The following APP variants were observed in gnomAD, a reference collection of about 807,000 sequenced individuals.
APP encodes the protein amyloid-beta precursor protein.
APP carries 31 observed loss-of-function variants against 101.4 expected under a neutral mutation model. The observed-to-expected ratio is 0.31, with a 90% confidence interval of 0.23 to 0.41. The LOEUF (loss-of-function observed/expected upper bound fraction) is 0.41, where lower values mean the gene tolerates loss of function less well. Among genes scored for constraint, APP ranks in the 10% least tolerant of loss-of-function variants. The pLI is 1.00. For synonymous variants in APP, 366 were observed against 364.4 expected (o/e 1.00, Z -0.05); for missense variants, 839 against 1,003.7 (o/e 0.84, Z 2.22).
chr21:25,965,513 G>C (rs530099883), intron 11 of APP, among the ~76,000 whole-genome samples: 5 of 152,194 alleles, frequency 3.3e-5, no homozygotes, highest in Non-Finnish European at 7.3e-5. Flanking sequence ...CCTAGGCAGT[G>C]TTATGACCTA....
chr21:26,129,764 C>T (rs1260707648), intron 1 of APP, among the ~76,000 whole-genome samples: 5 of 152,136 alleles, frequency 3.3e-5, no homozygotes, highest in African/African-American at 9.7e-5. Context: ...AACATTAGTG[C>T]TGTTGTTTCC....
chr21:26,064,263 C>T (rs2046374986), intron 3 of APP, among the ~76,000 whole-genome samples: 1 of 152,040 alleles, frequency 6.6e-6, no homozygotes, highest in African/African-American at 2.4e-5. Context: ...TAGTTAATAA[C>T]CATGTATCAA....
chr21:25,951,703 G>A (rs2041083954), intron 13 of APP, among the ~76,000 whole-genome samples: 1 of 152,036 alleles, frequency 6.6e-6, no homozygotes, highest in Non-Finnish European at 1.5e-5. Context: ...AATCTATGAA[G>A]AACCTATTTA....
intron 1 of APP, among the ~76,000 whole-genome samples, chr21:26,127,199 TAA>T (rs35029493): frequency 3.2e-4 from 48 of 149,390 alleles, no homozygotes; most frequent in Admixed American, 6.0e-4. Context: ...AGCTTTCATT[TAA>T]AAAAAAAAAA....
chr21:26,118,142 T>C (rs1017786721), intron 1 of APP, among the ~76,000 whole-genome samples: 1 of 152,170 alleles, frequency 6.6e-6, no homozygotes, highest in Non-Finnish European at 1.5e-5. Context: ...GGCCAGTAAG[T>C]CATGCTTGCT....
chr21:26,069,803 A>AT (rs1303979269), intron 3 of APP, among the ~76,000 whole-genome samples: 3 of 152,238 alleles, frequency 2.0e-5, no homozygotes, highest in Non-Finnish European at 4.4e-5. Flanking sequence ...AGAAAAAGCA[A>AT]ACTTGTATCT....
At chr21:25,928,034 TTAAAG>T (rs2039973553) in intron 13 of APP, among the ~76,000 whole-genome samples, 1 of 152,220 alleles carries the variant, frequency 6.6e-6, no homozygotes, top group Non-Finnish European at 1.5e-5. Context: ...TGTCAGGAAC[TTAAAG>T]TAGAGACTAA....
intron 11 of APP, among the ~76,000 whole-genome samples, chr21:25,958,490 G>A (rs1457945146): frequency 1.3e-5 from 2 of 152,230 alleles, no homozygotes; most frequent in African/African-American, 2.4e-5. Context: ...TGTTAGCCAG[G>A]ATGGTCTCCA....
At chr21:26,075,275 A>C (rs558395236) in intron 3 of APP, among the ~76,000 whole-genome samples, 1 of 152,372 alleles carries the variant, frequency 6.6e-6, no homozygotes, top group East Asian at 1.9e-4. Flanking sequence ...CGAAGAGCTT[A>C]CATTTTGAAC....
At chr21:26,136,410 T>A (rs1253926651) in intron 1 of APP, among the ~76,000 whole-genome samples, 1 of 152,064 alleles carries the variant, frequency 6.6e-6, no homozygotes, top group Non-Finnish European at 1.5e-5. Context: ...TCAGGCTTTA[T>A]CTAGGGAGTG....
intron 5 of APP, among the ~76,000 whole-genome samples, chr21:26,022,593 G>C (rs1016762697): frequency 2.0e-5 from 3 of 152,168 alleles, no homozygotes; most frequent in African/African-American, 7.2e-5. Flanking sequence ...GGGGAAGTGA[G>C]AGGTAGAGGG....
intron 3 of APP, among the ~76,000 whole-genome samples, chr21:26,088,249 C>A (rs1202732950): frequency 3.9e-5 from 6 of 152,178 alleles, no homozygotes; most frequent in African/African-American, 1.4e-4. Context: ...CAACAACTGG[C>A]ACTAGGTAGT....
At chr21:26,097,722 A>G (rs970739762) in intron 2 of APP, among the ~76,000 whole-genome samples, 20 of 152,198 alleles carry the variant, frequency 1.3e-4, no homozygotes, top group African/African-American at 4.3e-4. Context: ...AAAGCAGCCT[A>G]CCTACCTGGT....
At chr21:25,952,267 C>CT (rs1263448597) in intron 13 of APP, among the ~76,000 whole-genome samples, 96 of 151,098 alleles carry the variant, frequency 6.4e-4, no homozygotes, top group African/African-American at 2.2e-3. Context: ...TTTTATTATA[C>CT]TTTAAGTTTG....
chr21:26,170,777 C>T (rs900835195), upstream of APP: 2 of 776,398 alleles, frequency 2.6e-6, no homozygotes, highest in South Asian at 2.2e-5. Context: ...TGACGGAGCC[C>T]GAGCGCGGCG....
intron 1 of APP, among the ~76,000 whole-genome samples, chr21:26,168,537 A>C (rs1401193463): frequency 6.6e-6 from 1 of 152,252 alleles, no homozygotes; most frequent in African/African-American, 2.4e-5. Context: ...ACTAAATTCG[A>C]ATCTGCCTAC....
At chr21:25,983,188 A>G (rs2042505737) in intron 8 of APP, among the ~76,000 whole-genome samples, 1 of 152,234 alleles carries the variant, frequency 6.6e-6, no homozygotes, top group Non-Finnish European at 1.5e-5. Context: ...ATACTGCTAT[A>G]TTATGTAACT....
chr21:25,962,870 CACCTCCACCTCAACTCACTGCA>C (rs2041638940), intron 11 of APP, among the ~76,000 whole-genome samples: 1 of 152,168 alleles, frequency 6.6e-6, no homozygotes, highest in Non-Finnish European at 1.5e-5. Context: ...TGCAGTGGTG[CACCTCCACCTCAACTCACTGCA>C]ACCTCCACCT....
chr21:25,946,966 A>G (rs1569091646), intron 13 of APP, among the ~76,000 whole-genome samples: 1 of 152,218 alleles, frequency 6.6e-6, no homozygotes, highest in Non-Finnish European at 1.5e-5. Context: ...TTTTTTAAAA[A>G]AGGAAACTTT....
Sources: allele counts gnomAD v4.1 joint callset (sites outside exome capture counted in the v4.1 genomes callset), GRCh38; gene constraint gnomAD v4.1.1; transcripts MANE v1.5; gene names NCBI Gene and HGNC (gene_info 2026-07-23, HGNC 2026-07-21).